The following BRD10 variants were observed in gnomAD, a reference collection of about 807,000 sequenced individuals.
BRD10 encodes the protein bromodomain containing 10.
the BRD10 span, among the ~76,000 whole-genome samples, chr9:5,990,050 T>C: frequency 6.6e-6 from 1 of 152,174 alleles, no homozygotes; most frequent in South Asian, 2.1e-4. Context: ...CTAATTCAGC[T>C]TTAATAAGGG....
chr9:5,932,318 G>T, the BRD10 span, among the ~76,000 whole-genome samples: 1 of 151,740 alleles, frequency 6.6e-6, no homozygotes. Context: ...AAGTTGAAAG[G>T]AAACTAAAAG....
At chr9:5,958,142 A>G in the BRD10 span, among the ~76,000 whole-genome samples, 1 of 152,222 alleles carries the variant, frequency 6.6e-6, no homozygotes, top group Non-Finnish European at 1.5e-5. Context: ...CCTTAATAAT[A>G]AACCTTAGTA....
the BRD10 span, chr9:5,913,886 T>C: frequency 3.1e-6 from 1 of 325,358 alleles, no homozygotes; most frequent in African/African-American, 2.2e-5. Context: ...AGTCTAAAAA[T>C]GCAGCTCATA....
chr9:5,949,347 G>C, the BRD10 span, among the ~76,000 whole-genome samples: 19 of 152,038 alleles, frequency 1.2e-4, no homozygotes, highest in Non-Finnish European at 2.8e-4. Flanking sequence ...GGCAGAGCGA[G>C]ACTCCGTCTC....
the BRD10 span, chr9:5,922,328 G>C: frequency 6.2e-7 from 1 of 1,613,970 alleles, no homozygotes; most frequent in East Asian, 2.2e-5. Flanking sequence ...TGAAGCACTG[G>C]GCAAGGAGAA....
the BRD10 span, among the ~76,000 whole-genome samples, chr9:5,976,614 A>G: frequency 6.6e-6 from 1 of 152,300 alleles, no homozygotes; most frequent in African/African-American, 2.4e-5. Context: ...CTTTTTGGTT[A>G]TACATATAAG....
At chr9:5,979,342 C>T in the BRD10 span, among the ~76,000 whole-genome samples, 8 of 152,148 alleles carry the variant, frequency 5.3e-5, no homozygotes, top group Admixed American at 2.0e-4. Context: ...AGTGAGACCT[C>T]GTCTTTACGA....
chr9:6,004,473 C>G, the BRD10 span, among the ~76,000 whole-genome samples: 4 of 152,206 alleles, frequency 2.6e-5, no homozygotes, highest in Admixed American at 1.3e-4. Context: ...TTGGGCTGCT[C>G]TCTAATGAGA....
the BRD10 span, among the ~76,000 whole-genome samples, chr9:5,915,522 A>G: frequency 2.0e-4 from 30 of 152,322 alleles, no homozygotes; most frequent in Admixed American, 3.9e-4. Context: ...ACCTATTTTT[A>G]TAATCATTCC....
chr9:5,917,837 A>T, the BRD10 span, among the ~76,000 whole-genome samples: 1 of 152,218 alleles, frequency 6.6e-6, no homozygotes, highest in Non-Finnish European at 1.5e-5. Context: ...TGGACAACAG[A>T]GAAGACCCCG....
the BRD10 span, among the ~76,000 whole-genome samples, chr9:5,936,758 A>G: frequency 6.6e-6 from 1 of 152,226 alleles, no homozygotes; most frequent in Non-Finnish European, 1.5e-5. Context: ...AAAAACTAAG[A>G]ATGATGTAAA....
chr9:5,949,051 A>G, the BRD10 span, among the ~76,000 whole-genome samples: 5 of 152,222 alleles, frequency 3.3e-5, no homozygotes, highest in Admixed American at 2.6e-4. Context: ...TGAACTATAT[A>G]TATTTTTAAG....
At chr9:5,910,553 T>G in the BRD10 span, 4 of 152,178 alleles carry the variant, frequency 2.6e-5, no homozygotes, top group African/African-American at 9.7e-5. Context: ...CTCAATCCTG[T>G]ACACTGAGGA....
At chr9:5,894,716 G>A in the BRD10 span, among the ~76,000 whole-genome samples, 19 of 152,280 alleles carry the variant, frequency 1.2e-4, no homozygotes, top group East Asian at 3.5e-3. The surrounding 1 kb of genome is among the most constrained non-coding windows in gnomAD (Gnocchi z 4.0). Flanking sequence ...CCTGACAGGA[G>A]CCAGAAGCAC....
chr9:5,935,422 G>A, the BRD10 span, among the ~76,000 whole-genome samples: 1 of 152,228 alleles, frequency 6.6e-6, no homozygotes, highest in African/African-American at 2.4e-5. Context: ...TCACATTCCT[G>A]GTAAGGTAGT....
chr9:5,894,015 G>A, the BRD10 span, among the ~76,000 whole-genome samples: 4 of 151,756 alleles, frequency 2.6e-5, no homozygotes, highest in Non-Finnish European at 5.9e-5. This position sits in a 1 kb window ranked among gnomAD's most constrained non-coding sequence, Gnocchi z 4.0. Context: ...TGGTGGCGCT[G>A]GGATTTAAAT....
chr9:5,979,734 T>C, the BRD10 span, among the ~76,000 whole-genome samples: 1 of 152,006 alleles, frequency 6.6e-6, no homozygotes, highest in East Asian at 1.9e-4. Flanking sequence ...GTATCTAAAA[T>C]AGCCGGTATG....
the BRD10 span, among the ~76,000 whole-genome samples, chr9:5,923,896 G>A: frequency 6.6e-6 from 1 of 152,218 alleles, no homozygotes; most frequent in South Asian, 2.1e-4. Context: ...CCACTCTGTT[G>A]CCCATATTAA....
At chr9:5,942,573 G>A in the BRD10 span, among the ~76,000 whole-genome samples, 1 of 151,998 alleles carries the variant, frequency 6.6e-6, no homozygotes, top group Admixed American at 6.6e-5. Context: ...TTTGCTATGT[G>A]GCTGTTTCAT....
Sources: allele counts gnomAD v4.1 joint callset (sites outside exome capture counted in the v4.1 genomes callset), GRCh38; gene constraint gnomAD v4.1.1; non-coding constraint Gnocchi (gnomAD v3.1); transcripts MANE v1.5; gene names NCBI Gene and HGNC (gene_info 2026-07-23, HGNC 2026-07-21).